Variants in GPR158 observed in about 807,000 individuals in gnomAD.
The protein encoded by GPR158 is metabotropic glycine receptor.
In GPR158, 30 loss-of-function variants were observed where a neutral mutation model predicts 78.2. That is an observed-to-expected ratio of 0.38 (90% CI 0.29 to 0.52). The LOEUF (loss-of-function observed/expected upper bound fraction) is 0.52, where lower values mean the gene tolerates loss of function less well. Ranked by LOEUF, GPR158 falls within the 20% of genes least tolerant of loss-of-function variation. The pLI, the probability that GPR158 is intolerant of heterozygous loss-of-function variation, is 0.83. For synonymous variants in GPR158, 581 were observed against 591.1 expected (o/e 0.98, Z 0.25); for missense variants, 1,463 against 1,523.5 (o/e 0.96, Z 0.66).
At chr10:25,575,252 CTT>C (rs1373973660) in intron 7 of GPR158, among the ~76,000 whole-genome samples, 1 of 151,980 alleles carries the variant, frequency 6.6e-6, no homozygotes. Flanking sequence ...TTGAAAAAGT[CTT>C]AGAGGAATTT....
rs72792092 is a variant in GPR158 at position 25,298,247 on chromosome 10, G to C, written c.1008+77090G>C. Among the ~76,000 whole-genome samples the C allele has an allele frequency of 2.6e-5, 4 of 151,938 alleles. No individual in the cohort carries two copies. The South Asian group carries it at 6.2e-4, about 24-fold the overall frequency. On this transcript the variant is annotated intron_variant, in intron 2 of 10. Coordinates refer to ENST00000376351, the MANE Select transcript of GPR158 (RefSeq NM_020752.3). ...TTTTGCCACTTTAATTCTTGTTTTCGTATTTTATTACTAAATATTGTGTTT... is the reference window on the plus strand; with the variant it reads ...TTTTGCCACTTTAATTCTTGTTTTCCTATTTTATTACTAAATATTGTGTTT...
At chr10:25,446,710 G>T (rs1233344498) in intron 4 of GPR158, among the ~76,000 whole-genome samples, 1 of 152,122 alleles carries the variant, frequency 6.6e-6, no homozygotes, top group East Asian at 1.9e-4. Flanking sequence ...TTTGCTTATT[G>T]TGTTGGGTTA....
chr10:25,446,072 A>G (rs1835135241), intron 4 of GPR158, among the ~76,000 whole-genome samples: 1 of 152,176 alleles, frequency 6.6e-6, no homozygotes, highest in Non-Finnish European at 1.5e-5. Context: ...GAAGAGAGGC[A>G]GACTCCTATC....
At chr10:25,251,192 T>A (rs1313013963) in intron 2 of GPR158, among the ~76,000 whole-genome samples, 1 of 152,228 alleles carries the variant, frequency 6.6e-6, no homozygotes, top group Non-Finnish European at 1.5e-5. Context: ...CCTTTTATTT[T>A]GAGCCTATGT....
chr10:25,417,047 A>G (rs1055023957), intron 4 of GPR158, among the ~76,000 whole-genome samples: 1 of 152,142 alleles, frequency 6.6e-6, no homozygotes, highest in Non-Finnish European at 1.5e-5. Context: ...AAAATAAGTC[A>G]TAGTAGCCAT....
At chr10:25,347,333 G>T (rs141319725) in intron 2 of GPR158, among the ~76,000 whole-genome samples, 1 of 152,050 alleles carries the variant, frequency 6.6e-6, no homozygotes, top group East Asian at 1.9e-4. Flanking sequence ...AGTCACAAGA[G>T]GTTCTCTACT....
intron 4 of GPR158, among the ~76,000 whole-genome samples, chr10:25,461,733 CT>C (rs35604549): frequency 2.1e-3 from 283 of 132,448 alleles, no homozygotes; most frequent in Admixed American, 2.0e-3. Context: ...CTAGGACTTT[CT>C]TTTTTTTTTT....
chr10:25,462,746 G>A (rs1265395322), intron 4 of GPR158, among the ~76,000 whole-genome samples: 1 of 152,222 alleles, frequency 6.6e-6, no homozygotes, highest in Non-Finnish European at 1.5e-5. Context: ...AATTAGCAGT[G>A]TAGCCTGAAC....
At chr10:25,515,205 A>T (rs548818555) in intron 5 of GPR158, among the ~76,000 whole-genome samples, 10 of 151,928 alleles carry the variant, frequency 6.6e-5, no homozygotes, top group African/African-American at 2.4e-4. Context: ...TTTTTAAAAA[A>T]TTTTTTGTCT....
chr10:25,500,485 G>T (rs1239150889), intron 5 of GPR158, among the ~76,000 whole-genome samples: 1 of 152,186 alleles, frequency 6.6e-6, no homozygotes, highest in Non-Finnish European at 1.5e-5. Context: ...AGATTGAATT[G>T]CTATCACTTC....
intron 2 of GPR158, among the ~76,000 whole-genome samples, chr10:25,294,635 T>C (rs1333731444): frequency 6.8e-6 from 1 of 147,614 alleles, no homozygotes; most frequent in Non-Finnish European, 1.5e-5. Flanking sequence ...AAAAAAAAAA[T>C]GGCAACCTCT....
intron 2 of GPR158, among the ~76,000 whole-genome samples, chr10:25,379,025 A>C (rs1834120957): frequency 6.6e-6 from 1 of 152,046 alleles, no homozygotes. Context: ...TCCAGAGCTC[A>C]AGTGATCCTC....
At chr10:25,499,715 G>T (rs1588888499) in intron 5 of GPR158, among the ~76,000 whole-genome samples, 2 of 152,166 alleles carry the variant, frequency 1.3e-5, no homozygotes, top group African/African-American at 4.8e-5. Context: ...TGTGACAAAA[G>T]AAATAAATGA....
intron 2 of GPR158, among the ~76,000 whole-genome samples, chr10:25,384,161 G>T (rs1197269602): frequency 2.0e-5 from 3 of 152,070 alleles, no homozygotes; most frequent in Non-Finnish European, 2.9e-5. Flanking sequence ...TTGTAACTAT[G>T]ATTTGAAAGG....
At chr10:25,257,047 C>CT (rs1269911415) in intron 2 of GPR158, among the ~76,000 whole-genome samples, 4 of 152,126 alleles carry the variant, frequency 2.6e-5, no homozygotes, top group Non-Finnish European at 1.5e-5. Flanking sequence ...ATACCACAGA[C>CT]TGAGTAATTT....
chr10:25,315,651 G>T (rs1308767900), intron 2 of GPR158, among the ~76,000 whole-genome samples: 1 of 151,950 alleles, frequency 6.6e-6, no homozygotes. Flanking sequence ...TTTATAATAT[G>T]TTTTATTTGC....
chr10:25,245,981 T>G (rs1853684261), intron 2 of GPR158, among the ~76,000 whole-genome samples: 2 of 152,228 alleles, frequency 1.3e-5, no homozygotes, highest in African/African-American at 4.8e-5. Context: ...TGTTTCTGTT[T>G]GCTTCAGTTT....
chr10:25,485,734 A>G (rs1337829858), intron 5 of GPR158, among the ~76,000 whole-genome samples: 2 of 152,194 alleles, frequency 1.3e-5, no homozygotes, highest in African/African-American at 2.4e-5. Flanking sequence ...GTGATTAGAT[A>G]TGTATAGTCT....
intron 1 of GPR158, among the ~76,000 whole-genome samples, chr10:25,200,971 A>C (rs1177875940): frequency 7.3e-6 from 1 of 137,286 alleles, no homozygotes; most frequent in African/African-American, 2.7e-5. Context: ...TCTTTTTCTT[A>C]GGATTGCCTT....
Sources: allele counts gnomAD v4.1 joint callset (sites outside exome capture counted in the v4.1 genomes callset), GRCh38; gene constraint gnomAD v4.1.1; transcripts MANE v1.5; gene names NCBI Gene and HGNC (gene_info 2026-07-23, HGNC 2026-07-21).